The following BCL7A variants were observed in gnomAD, a reference collection of about 807,000 sequenced individuals.
The protein encoded by BCL7A is BAF chromatin remodeling complex subunit BCL7A.
BCL7A carries 11 observed loss-of-function variants against 28.4 expected under a neutral mutation model. That is an observed-to-expected ratio of 0.39 (90% CI 0.24 to 0.64). The LOEUF (loss-of-function observed/expected upper bound fraction) is 0.64, where lower values mean the gene tolerates loss of function less well. Among genes scored for constraint, BCL7A ranks in the 30% least tolerant of loss-of-function variants. The pLI is 0.50. For missense variants in BCL7A, 222 were observed against 274.8 expected (o/e 0.81, Z 1.36); for synonymous variants, 123 against 103.3 (o/e 1.19, Z -1.15).
At chr12:122,022,756 TGCAGAGCGCGA>T in intron 1 of BCL7A, among the ~76,000 whole-genome samples, 1 of 150,732 alleles carries the variant, frequency 6.6e-6, no homozygotes, top group Middle Eastern at 3.4e-3. Flanking sequence ...CTGCGGAGTT[TGCAGAGCGCGA>T]GCCGTTTAAA....
At chr12:122,039,963 G>A (rs997019418) in intron 3 of BCL7A, among the ~76,000 whole-genome samples, 1 of 152,132 alleles carries the variant, frequency 6.6e-6, no homozygotes, top group Non-Finnish European at 1.5e-5. Flanking sequence ...ACCTCCCAAA[G>A]TGCTGGGAGT....
At chr12:122,043,359 A>C (rs1169247731) in intron 3 of BCL7A, among the ~76,000 whole-genome samples, 1 of 127,092 alleles carries the variant, frequency 7.9e-6, no homozygotes, top group African/African-American at 2.9e-5. Context: ...CCAGTGCCGG[A>C]ATTCTTTGCC....
At chr12:122,032,797 A>G (rs1883771411) in intron 2 of BCL7A, among the ~76,000 whole-genome samples, 1 of 152,132 alleles carries the variant, frequency 6.6e-6, no homozygotes, top group Admixed American at 6.6e-5. Flanking sequence ...GGTGCCGAGA[A>G]ATGCAAATTC....
At chr12:122,024,023 G>A (rs2135835530) in intron 1 of BCL7A, among the ~76,000 whole-genome samples, 1 of 152,180 alleles carries the variant, frequency 6.6e-6, no homozygotes, top group African/African-American at 2.4e-5. Flanking sequence ...CCGCAGAGCG[G>A]CCAGCTGCTC....
intron 4 of BCL7A, among the ~76,000 whole-genome samples, chr12:122,053,880 G>A (rs1884250831): frequency 6.6e-6 from 1 of 152,086 alleles, no homozygotes; most frequent in Non-Finnish European, 1.5e-5. Context: ...GAATTCCTCC[G>A]AAATACCACA....
intron 1 of BCL7A, among the ~76,000 whole-genome samples, chr12:122,023,158 G>T (rs907247273): frequency 2.6e-5 from 4 of 152,218 alleles, no homozygotes; most frequent in African/African-American, 4.8e-5. Flanking sequence ...CTCGGAATCG[G>T]CCCCTGGGCC....
At chr12:122,052,648 TTTTC>T (rs1177801791) in intron 4 of BCL7A, among the ~76,000 whole-genome samples, 2 of 151,962 alleles carry the variant, frequency 1.3e-5, no homozygotes, top group East Asian at 1.9e-4. Flanking sequence ...CAGCATAATG[TTTTC>T]TTTCTTTTTG....
At chr12:122,048,541 A>G (rs1884123859) in intron 4 of BCL7A, among the ~76,000 whole-genome samples, 1 of 152,134 alleles carries the variant, frequency 6.6e-6, no homozygotes, top group African/African-American at 2.4e-5. Context: ...GCTTGAGCTC[A>G]GGAGCTCGAG....
At position 122,044,139 on chromosome 12, in the gene BCL7A, T is replaced by C. The variant is rs1422987319; in HGVS notation, c.439+86T>C. On this transcript the variant is annotated intron_variant, in intron 4 of 5. Transcript: ENST00000261822. Reference sequence around the variant, plus strand: ...TGTGGCTAGGTGTTCCAGGAGGCCCTGTCATGTGCCAGCCCCAGCAAGGAG... The same window carrying C: ...TGTGGCTAGGTGTTCCAGGAGGCCCCGTCATGTGCCAGCCCCAGCAAGGAG... 9 of 1,457,644 alleles carry C rather than the reference T, an allele frequency of 6.2e-6. No individual in the cohort carries two copies. The African/African-American group carries it at 9.9e-5, about 16-fold the overall frequency. The allele number at this position is 1,457,644 out of a possible 1,614,324, so 90.3% of individuals were successfully genotyped here.
intron 3 of BCL7A, among the ~76,000 whole-genome samples, chr12:122,042,364 A>AC (rs1883979769): frequency 6.6e-6 from 1 of 152,048 alleles, no homozygotes; most frequent in African/African-American, 2.4e-5. Context: ...TAAAAAATAC[A>AC]CAGCTAGTGG....
chr12:122,040,568 G>A (rs965713778), intron 3 of BCL7A, among the ~76,000 whole-genome samples: 1 of 147,948 alleles, frequency 6.8e-6, no homozygotes, highest in African/African-American at 2.5e-5. Flanking sequence ...ATCCAGATTT[G>A]TGACCTGGAT....
At chr12:122,056,981 T>C (rs1295221258) in intron 5 of BCL7A, among the ~76,000 whole-genome samples, 2 of 152,302 alleles carry the variant, frequency 1.3e-5, no homozygotes, top group Admixed American at 6.5e-5. Context: ...GAACCCACCA[T>C]GGACCAGGGG....
At chr12:122,049,513 C>T (rs1884148673) in intron 4 of BCL7A, among the ~76,000 whole-genome samples, 1 of 152,016 alleles carries the variant, frequency 6.6e-6, no homozygotes, top group Non-Finnish European at 1.5e-5. Flanking sequence ...GAAACCCCAT[C>T]TCTACTAAAA....
intron 1 of BCL7A, among the ~76,000 whole-genome samples, chr12:122,027,986 C>T (rs773169127): frequency 2.6e-5 from 4 of 152,154 alleles, no homozygotes; most frequent in Non-Finnish European, 5.9e-5. Context: ...TCAGCTGCTC[C>T]GCTGAACCCG....
In BCL7A at chr12:122,060,212, GC is replaced by G. The variant is rs1019754030; in HGVS notation, c.*1051del. On this transcript the variant is annotated 3_prime_UTR_variant, in exon 6 of 6. Coordinates refer to ENST00000261822, the MANE Select transcript of BCL7A (RefSeq NM_001024808.3). ...GCCCTTTGCCTCCCCCGACGCCCCA[GC>G]CTGTGCCCCGGAGAGGCAGGATCGC... is the stretch of plus-strand genomic sequence containing the variant. 4.3e-6 allele frequency: 1 copy of G among 232,994 alleles called. No homozygotes were observed. Among genetic ancestry groups the G allele is most frequent in the Non-Finnish European group, 8.5e-6 (1 of 117,688 alleles). 14.4% of individuals were successfully genotyped at this position (232,994 alleles called of 1,614,324 possible). A position where few individuals can be genotyped will look rare whatever the true frequency, so the allele number is the denominator to read the frequency against.
intron 1 of BCL7A, among the ~76,000 whole-genome samples, chr12:122,023,094 T>C (rs2135834052): frequency 6.6e-6 from 1 of 152,290 alleles, no homozygotes; most frequent in African/African-American, 2.4e-5. Context: ...CCGCCCGGCG[T>C]GGCCCGGTCG....
intron 2 of BCL7A, among the ~76,000 whole-genome samples, chr12:122,031,146 C>T (rs1053311388): frequency 7.5e-4 from 114 of 152,278 alleles, no homozygotes; most frequent in African/African-American, 2.6e-3. Context: ...CCAGCCTCAG[C>T]CTCCCGAGTA....
Position 122,029,475 on chromosome 12 carries a change from G to A in BCL7A, c.93-1225G>A, listed in dbSNP as rs1390296349. On this transcript the variant is annotated intron_variant, in intron 1 of 5. Transcript: ENST00000261822. This position sits in a 1 kb window ranked among gnomAD's most constrained non-coding sequence, Gnocchi z 4.3. ...TTGGGCAGAGAGGCCAAAAAAAGGT[G>A]CCAGGCAGCTCACGGACAGAGGTGC... Among the ~76,000 whole-genome samples, 1 of 152,206 alleles carries A rather than the reference G, an allele frequency of 6.6e-6. No individual in the cohort carries two copies. Among genetic ancestry groups the A allele is most frequent in the East Asian group, 1.9e-4 (1 of 5,204 alleles).
chr12:122,056,632 C>G (rs1238649737), intron 5 of BCL7A, among the ~76,000 whole-genome samples: 1 of 152,076 alleles, frequency 6.6e-6, no homozygotes. Context: ...AAGACCCCGT[C>G]TCTCCAACAA....
Sources: gnomAD v4.1 joint callset for allele counts (sites outside exome capture counted in the v4.1 genomes callset) on GRCh38, gnomAD v4.1.1 for gene constraint, Gnocchi (gnomAD v3.1) non-coding constraint, MANE v1.5 for transcripts, NCBI Gene and HGNC (gene_info 2026-07-23, HGNC 2026-07-21) for gene names.